SH3KBP1: variants seen among roughly 807,000 people sequenced by gnomAD.
The protein encoded by SH3KBP1 is SH3 domain containing kinase binding protein 1.
Under a neutral mutation model 50.1 loss-of-function variants are expected in SH3KBP1, and 8 were observed. The observed-to-expected ratio is 0.16, with a 90% CI of 0.09 to 0.29. The LOEUF (loss-of-function observed/expected upper bound fraction) is 0.29, where lower values mean the gene tolerates loss of function less well. Among genes scored for constraint, SH3KBP1 ranks in the 10% least tolerant of loss-of-function variants. The probability of loss-of-function intolerance (pLI) is 1.00; values close to 1 mark genes in which losing one functional copy is unlikely to be tolerated. For synonymous variants in SH3KBP1, 227 were observed against 218.6 expected (o/e 1.04, Z -0.34); for missense variants, 377 against 535.2 (o/e 0.70, Z 2.92).
intron 6 of SH3KBP1, among the ~76,000 whole-genome samples, chrX:19,660,187 G>T (rs2062413072): frequency 8.9e-6 from 1 of 112,187 alleles, no homozygotes; most frequent in Non-Finnish European, 1.9e-5. Flanking sequence ...TAACCTCTCT[G>T]TGCCTCAGTT....
Position 19,682,102 on chromosome X carries a change from GT to G in SH3KBP1, c.726+1720del, listed in dbSNP as rs1323080738. On this transcript the variant is annotated intron_variant, in intron 6 of 17. Transcript: ENST00000397821. ...GATGGGGAAAGCTGTGGGTAGAGCA[GT>G]TGGAGGAGGACGATGAGTTCAGGTT... is the stretch of plus-strand genomic sequence containing the variant. Among the ~76,000 whole-genome samples the G allele has an allele frequency of 9.0e-5, 10 of 110,750 alleles. No homozygotes were observed. The East Asian group carries it at 2.6e-3, about 28-fold the overall frequency.
intron 2 of SH3KBP1, among the ~76,000 whole-genome samples, chrX:19,775,385 T>G (rs2065941865): frequency 8.9e-6 from 1 of 112,311 alleles, no homozygotes; most frequent in African/African-American, 3.2e-5. Flanking sequence ...TTCAATTAAC[T>G]GCTCTTATTT....
intron 1 of SH3KBP1, among the ~76,000 whole-genome samples, chrX:19,884,006 T>C (rs529370552): frequency 8.9e-6 from 1 of 111,896 alleles, no homozygotes; most frequent in South Asian, 3.7e-4. Flanking sequence ...CTTACTGAGA[T>C]GCCCCGCGGT....
intron 6 of SH3KBP1, among the ~76,000 whole-genome samples, chrX:19,676,157 T>C (rs1426435006): frequency 8.9e-6 from 1 of 111,967 alleles, no homozygotes; most frequent in Non-Finnish European, 1.9e-5. Context: ...TTTTGACCCT[T>C]GTGTTTAATT....
At chrX:19,883,498 G>C (rs765512748) in intron 1 of SH3KBP1, among the ~76,000 whole-genome samples, 1 of 111,632 alleles carries the variant, frequency 9.0e-6, no homozygotes, top group South Asian at 3.8e-4. Flanking sequence ...GATATACCTA[G>C]AAAGCCATTT....
intron 2 of SH3KBP1, among the ~76,000 whole-genome samples, chrX:19,826,850 T>C (rs371474418): frequency 9.0e-6 from 1 of 111,688 alleles, no homozygotes; most frequent in South Asian, 3.7e-4. Flanking sequence ...AGTTTAAAGT[T>C]TAAAGAAAAG....
intron 6 of SH3KBP1, among the ~76,000 whole-genome samples, chrX:19,654,511 G>A (rs1377710110): frequency 9.0e-6 from 1 of 111,684 alleles, no homozygotes; most frequent in Non-Finnish European, 1.9e-5. Context: ...CACTGTTCCC[G>A]AGAGAGGAGC....
chrX:19,852,283 C>T (rs761238690), intron 1 of SH3KBP1, among the ~76,000 whole-genome samples: 12 of 111,299 alleles, frequency 1.1e-4, no homozygotes, highest in Admixed American at 6.7e-4. Context: ...CACTCCAAAC[C>T]TCAGGCCTTT....
intron 2 of SH3KBP1, among the ~76,000 whole-genome samples, chrX:19,812,584 AT>A (rs1381610908): frequency 9.3e-6 from 1 of 107,112 alleles, no homozygotes; most frequent in African/African-American, 3.4e-5. Context: ...ATCCCAGCAC[AT>A]TGGGAGGCTG....
intron 8 of SH3KBP1, among the ~76,000 whole-genome samples, chrX:19,624,253 A>C (rs1400404978): frequency 9.0e-6 from 1 of 111,391 alleles, no homozygotes; most frequent in Non-Finnish European, 1.9e-5. Flanking sequence ...AAAAAAGGGG[A>C]GTTTCTCTAA....
At chrX:19,790,581 G>A (rs1360661663) in intron 2 of SH3KBP1, among the ~76,000 whole-genome samples, 1 of 110,971 alleles carries the variant, frequency 9.0e-6, no homozygotes, top group Non-Finnish European at 1.9e-5. Flanking sequence ...TCTGATCCAA[G>A]ATAATAAAAC....
intron 12 of SH3KBP1, among the ~76,000 whole-genome samples, chrX:19,581,746 T>C (rs5955820): frequency 0.28 from 30,267 of 108,124 alleles, 3,872 homozygotes; most frequent in African/African-American, 0.49. Flanking sequence ...GTTTGGCATA[T>C]AAATGTTTAC....
rs757205177 is a variant in SH3KBP1 at position 19,729,184 on chromosome X, T to C, written c.286+17134A>G. 1.8e-3 allele frequency among the ~76,000 whole-genome samples: 200 copies of C among 113,175 alleles called. 1 individual carries two copies. The highest frequency in any genetic ancestry group is 6.2e-3 in the African/African-American group (192 of 31,199). The stretch of plus-strand genomic sequence containing the variant: ...GGTTACCCCCAGGCCCACTTGCCTC[T>C]GGCCACAGAATCTTAGGGTTGAAGG... On this transcript the variant is annotated intron_variant, in intron 3 of 17. Transcript: ENST00000397821.
intron 6 of SH3KBP1, among the ~76,000 whole-genome samples, chrX:19,682,333 TACACAC>T (rs59044973): frequency 7.6e-4 from 58 of 75,905 alleles, no homozygotes; most frequent in Middle Eastern, 7.3e-3. Context: ...ATAAGAGTCA[TACACAC>T]ACACACACAC....
At chrX:19,849,922 T>G (rs969037508) in intron 1 of SH3KBP1, among the ~76,000 whole-genome samples, 2 of 111,263 alleles carry the variant, frequency 1.8e-5, no homozygotes, top group African/African-American at 6.5e-5. Context: ...CTGAAACACT[T>G]CCGGATTGTT....
intron 3 of SH3KBP1, among the ~76,000 whole-genome samples, chrX:19,713,595 T>C (rs1358555626): frequency 1.2e-4 from 13 of 111,404 alleles, no homozygotes; most frequent in Non-Finnish European, 1.9e-4. Flanking sequence ...ATATAATAGT[T>C]GTACATTTTT....
At chrX:19,607,343 G>C (rs774381368) in intron 9 of SH3KBP1, among the ~76,000 whole-genome samples, 5 of 112,671 alleles carry the variant, frequency 4.4e-5, no homozygotes, top group Non-Finnish European at 9.4e-5. Context: ...AGCAGGGAAA[G>C]AATACACCTG....
chrX:19,879,830 G>A (rs2069378944), intron 1 of SH3KBP1, among the ~76,000 whole-genome samples: 1 of 113,259 alleles, frequency 8.8e-6, no homozygotes, highest in Non-Finnish European at 1.9e-5. Context: ...AGGAAATGGT[G>A]CTCCAGCCAT....
At chrX:19,758,657 C>T (rs1356420889) in intron 2 of SH3KBP1, among the ~76,000 whole-genome samples, 1 of 111,676 alleles carries the variant, frequency 9.0e-6, no homozygotes, top group East Asian at 2.8e-4. Flanking sequence ...GTACCCCCAA[C>T]ACAGGAACTG....
Sources: gnomAD v4.1 joint callset for allele counts (sites outside exome capture counted in the v4.1 genomes callset) on GRCh38, gnomAD v4.1.1 for gene constraint, MANE v1.5 for transcripts, NCBI Gene and HGNC (gene_info 2026-07-23, HGNC 2026-07-21) for gene names.